PTPRN2: variants seen among roughly 807,000 people sequenced by gnomAD.
The protein encoded by PTPRN2 is protein tyrosine phosphatase receptor type N2, also known as receptor-type tyrosine-protein phosphatase N2.
Under a neutral mutation model 118.8 loss-of-function variants are expected in PTPRN2, and 74 were observed. That is an observed-to-expected ratio of 0.62 (90% confidence interval 0.52 to 0.76). The LOEUF (loss-of-function observed/expected upper bound fraction) is 0.76. Among genes scored for constraint, PTPRN2 ranks in the 30% least tolerant of loss-of-function variants. The pLI is 0.00. For synonymous variants in PTPRN2, 641 were observed against 608.0 expected (o/e 1.05, Z -0.80); for missense variants, 1,481 against 1,394.4 (o/e 1.06, Z -0.99).
At chr7:158,530,393 T>C (rs1026745733) in intron 1 of PTPRN2, among the ~76,000 whole-genome samples, 2 of 152,134 alleles carry the variant, frequency 1.3e-5, no homozygotes, top group African/African-American at 2.4e-5. Flanking sequence ...TTGCGGAGGC[T>C]CTGCAGGAGC....
chr7:158,292,381 G>T (rs930686303), intron 3 of PTPRN2, among the ~76,000 whole-genome samples: 2 of 152,186 alleles, frequency 1.3e-5, no homozygotes, highest in African/African-American at 4.8e-5. Context: ...TTTAAATAGG[G>T]ATGAAGTCTA....
chr7:158,503,861 C>A (rs1471026688), intron 1 of PTPRN2, among the ~76,000 whole-genome samples: 1 of 151,920 alleles, frequency 6.6e-6, no homozygotes, highest in Non-Finnish European at 1.5e-5. Flanking sequence ...ATTAGCCAGG[C>A]GTGGTGGTGT....
chr7:158,043,336 G>A (rs1317690600), intron 11 of PTPRN2, among the ~76,000 whole-genome samples: 1 of 152,210 alleles, frequency 6.6e-6, no homozygotes, highest in Non-Finnish European at 1.5e-5. Flanking sequence ...TTACCTATTA[G>A]TTAAATCAGA....
chr7:157,614,132 AG>A (rs748832615), intron 15 of PTPRN2: 7 of 386,582 alleles, frequency 1.8e-5, no homozygotes, highest in Non-Finnish European at 3.7e-5. Flanking sequence ...GACGGAGAGG[AG>A]GGGGAAGACA....
intron 5 of PTPRN2, among the ~76,000 whole-genome samples, chr7:158,191,114 T>C (rs1472329072): frequency 7.2e-5 from 11 of 152,240 alleles, no homozygotes; most frequent in Non-Finnish European, 1.3e-4. Flanking sequence ...TTGAGCTTAG[T>C]GGCCACGCGT....
chr7:158,141,116 C>T lies in PTPRN2; in HGVS notation c.911-2601G>A, dbSNP rs1055540761. On this transcript the variant is annotated intron_variant, in intron 6 of 22. Coordinates refer to ENST00000389418, the MANE Select transcript of PTPRN2 (RefSeq NM_002847.5). ...ACGACCCTCCACCCTAGACAGGTCC[C>T]GCCGCAACCTTCTGCCCTAGAGGGA... 6.6e-5 allele frequency among the ~76,000 whole-genome samples: 10 copies of T among 152,290 alleles called. 1 individual carries two copies. The South Asian group carries it at 1.9e-3, about 28-fold the overall frequency.
chr7:157,709,359 CCT>C (rs1211313844), intron 12 of PTPRN2, among the ~76,000 whole-genome samples: 1 of 152,190 alleles, frequency 6.6e-6, no homozygotes, highest in Non-Finnish European at 1.5e-5. Context: ...GATTTTGACC[CCT>C]GACAATTCTT....
At chr7:157,793,762 G>A (rs1332551294) in intron 12 of PTPRN2, among the ~76,000 whole-genome samples, 2 of 152,160 alleles carry the variant, frequency 1.3e-5, no homozygotes, top group African/African-American at 2.4e-5. Context: ...GGCATAATTC[G>A]TGGCACCCCT....
At chr7:158,171,825 G>A (rs1009156305) in intron 5 of PTPRN2, among the ~76,000 whole-genome samples, 1 of 152,162 alleles carries the variant, frequency 6.6e-6, no homozygotes. Flanking sequence ...AATGAAGGGA[G>A]GTTTCCTAAG....
Position 158,087,396 on chromosome 7 carries a change from C to T in PTPRN2, c.1644-6019G>A, listed in dbSNP as rs1003231409. On this transcript the variant is annotated intron_variant, in intron 10 of 22. Transcript: ENST00000389418. ...ATCTTGAAAGTGTCGTCCCGATGGT[C>T]GTGCCAGGCACATCTATGGTAAGAA... Among the ~76,000 whole-genome samples, 14 of 151,970 alleles carry T rather than the reference C, an allele frequency of 9.2e-5. No homozygotes were observed. The East Asian group carries it at 9.6e-4, about 10-fold the overall frequency.
At chr7:158,447,993 G>T (rs892755107) in intron 2 of PTPRN2, among the ~76,000 whole-genome samples, 1 of 152,234 alleles carries the variant, frequency 6.6e-6, no homozygotes, top group South Asian at 2.1e-4. Flanking sequence ...GCCCGAGGAT[G>T]CTGGGCCAGG....
chr7:158,405,671 A>G (rs1466141425), intron 2 of PTPRN2, among the ~76,000 whole-genome samples: 1 of 152,254 alleles, frequency 6.6e-6, no homozygotes, highest in Non-Finnish European at 1.5e-5. Flanking sequence ...CCGGCCCTCT[A>G]TACTCTTAAT....
At chr7:158,136,847 T>A in intron 7 of PTPRN2, 152 bp from the exon 8 acceptor site, 1 of 708,150 alleles carries the variant, frequency 1.4e-6, no homozygotes, top group Non-Finnish European at 2.4e-6. Context: ...AAACCTTTTC[T>A]GTTTATAGCA....
intron 3 of PTPRN2, among the ~76,000 whole-genome samples, chr7:158,228,192 C>T (rs1349005139): frequency 6.6e-6 from 1 of 152,136 alleles, no homozygotes; most frequent in African/African-American, 2.4e-5. Context: ...ACATTGAAAA[C>T]AGTGTGACAA....
At chr7:158,586,957 G>A (rs1357735595) in intron 1 of PTPRN2, among the ~76,000 whole-genome samples, 1 of 152,086 alleles carries the variant, frequency 6.6e-6, no homozygotes, top group East Asian at 1.9e-4. Flanking sequence ...AGGCGGCGCC[G>A]GGGAGGAAAC....
intron 12 of PTPRN2, among the ~76,000 whole-genome samples, chr7:157,775,076 A>AG (rs1435527472): frequency 6.6e-6 from 1 of 152,208 alleles, no homozygotes; most frequent in Non-Finnish European, 1.5e-5. Context: ...TCCACATGCC[A>AG]GGGAGTCCCT....
intron 6 of PTPRN2, among the ~76,000 whole-genome samples, chr7:158,143,142 C>T (rs895290885): frequency 6.6e-6 from 1 of 152,190 alleles, no homozygotes; most frequent in African/African-American, 2.4e-5. Flanking sequence ...TCCACGTCCA[C>T]AGGTCCAATG....
intron 12 of PTPRN2, among the ~76,000 whole-genome samples, chr7:157,838,664 G>A (rs112307694): frequency 9.3e-5 from 4 of 42,906 alleles, no homozygotes; most frequent in Admixed American, 2.1e-4. Context: ...CCTCTCCGCC[G>A]TGGCTACTCC....
At chr7:158,551,942 T>A (rs1179920142) in intron 1 of PTPRN2, among the ~76,000 whole-genome samples, 14 of 18,426 alleles carry the variant, frequency 7.6e-4, no homozygotes, top group Non-Finnish European at 1.3e-3. Flanking sequence ...ACACATGCAT[T>A]TGGGGGGCCC....
Sources: allele counts gnomAD v4.1 joint callset (sites outside exome capture counted in the v4.1 genomes callset), GRCh38; gene constraint gnomAD v4.1.1; transcripts MANE v1.5; gene names NCBI Gene and HGNC (gene_info 2026-07-23, HGNC 2026-07-21).